DCAF12: variants seen among roughly 807,000 people sequenced by gnomAD.
DCAF12 encodes DDB1- and CUL4-associated factor 12.
A neutral mutation model predicts 52.8 loss-of-function variants in DCAF12; 28 were observed. That is an observed-to-expected ratio of 0.53 (90% confidence interval 0.39 to 0.73). The LOEUF is 0.73. Among genes scored for constraint, DCAF12 ranks in the 30% least tolerant of loss-of-function variants. The pLI is 0.00. For missense variants in DCAF12, 425 were observed against 552.2 expected (o/e 0.77, Z 2.31); for synonymous variants, 196 against 215.5 (o/e 0.91, Z 0.79).
intron 6 of DCAF12, 26 bp downstream of exon 6, chr9:34,096,690 A>C (rs1828740457): frequency 1.2e-6 from 2 of 1,605,640 alleles, no homozygotes; most frequent in Non-Finnish European, 1.7e-6. Flanking sequence ...TTATTAGGTA[A>C]AACCACAAAA....
intron 7 of DCAF12, 21 bp from the exon 8 acceptor site, chr9:34,089,611 A>G: frequency 6.3e-7 from 1 of 1,584,574 alleles, no homozygotes; most frequent in Non-Finnish European, 8.6e-7. Flanking sequence ...GAAAAGTAAA[A>G]GGCAGTGAGG....
At chr9:34,097,570 T>A (rs1828755088) in intron 5 of DCAF12, among the ~76,000 whole-genome samples, 1 of 152,034 alleles carries the variant, frequency 6.6e-6, no homozygotes, top group Admixed American at 6.6e-5. Flanking sequence ...CTCTGCTTTA[T>A]TAAAACCTCA....
chr9:34,124,898 T>C (rs764128056), intron 2 of DCAF12, 125 bp downstream of exon 2: 15 of 1,230,436 alleles, frequency 1.2e-5, no homozygotes, highest in Non-Finnish European at 1.7e-5. Context: ...CGGGAAAGAA[T>C]GGAAAGGAGA....
intron 7 of DCAF12, 126 bp from the exon 8 acceptor site, chr9:34,089,716 G>A: frequency 2.3e-6 from 2 of 863,468 alleles, no homozygotes; most frequent in Non-Finnish European, 3.4e-6. Context: ...GCCCCACAAA[G>A]TATCAGACAG....
rs574917519 is a variant in DCAF12, at chr9:34,086,641, A to C, written c.*1709T>G. On this transcript the variant is annotated 3_prime_UTR_variant, in exon 9 of 9. Coordinates refer to ENST00000361264, the MANE Select transcript of DCAF12 (RefSeq NM_015397.4). The stretch of plus-strand genomic sequence containing the variant: ...AAATTAAGACAATTAAAAGATCTAT[A>C]GCATCCAGCATTTTGCTTAATTCCC... 3.3e-5 allele frequency: 5 copies of C among 152,312 alleles called. No individual in the cohort carries two copies. The highest frequency in any genetic ancestry group is 6.5e-5 in the Admixed American group (1 of 15,284). The allele number at this position is 152,312 out of a possible 1,614,324, so 9.4% of individuals were successfully genotyped here. A position where few individuals can be genotyped will look rare whatever the true frequency, so the allele number is the denominator to read the frequency against.
intron 2 of DCAF12, among the ~76,000 whole-genome samples, chr9:34,119,986 A>G (rs1829146203): frequency 1.3e-5 from 2 of 151,820 alleles, no homozygotes; most frequent in Admixed American, 1.3e-4. Context: ...GATTACAGTC[A>G]TGAGCCACTA....
Position 34,107,538 on chromosome 9 carries a change from G to A in DCAF12, c.361C>T (p.Gln121Ter). 1 of 1,614,116 alleles carries A rather than the reference G, an allele frequency of 6.2e-7. No individual in the cohort carries two copies. The highest frequency in any genetic ancestry group is 1.1e-5 in the South Asian group (1 of 91,080). The change falls in exon 3 of 9, where the codon CAG becomes TAG. Residue 121 changes from glutamine to a stop codon, truncating the protein, a stop_gained. Transcript: ENST00000361264. LOFTEE classifies it high-confidence loss of function. The stretch of plus-strand genomic sequence containing the variant: ...TTCAGAATGGGGATCTTGGTGATCT[G>A]GCTTGTCTGGACATCTACGACAAAT... ...TLFVVDVQTS[Q>*]ITKIPILKDR...
intron 2 of DCAF12, among the ~76,000 whole-genome samples, chr9:34,111,518 T>A (rs978639792): frequency 7.9e-5 from 12 of 152,210 alleles, no homozygotes; most frequent in African/African-American, 2.9e-4. Context: ...AGAGAATTTA[T>A]CTTATTTGAT....
chr9:34,093,862 AC>A, intron 6 of DCAF12: 1 of 179,244 alleles, frequency 5.6e-6, no homozygotes, highest in Admixed American at 5.5e-5. Context: ...ATCTCTGGCT[AC>A]CCCCAGCTCA....
intron 6 of DCAF12, among the ~76,000 whole-genome samples, chr9:34,094,569 C>T (rs1312745044): frequency 1.4e-5 from 2 of 145,046 alleles, no homozygotes; most frequent in South Asian, 2.2e-4. Flanking sequence ...CTCGCACTGT[C>T]GCCCAGGCTG....
Position 34,086,644 on chromosome 9 carries a change from A to G in DCAF12, c.*1706T>C, listed in dbSNP as rs1203794003. On this transcript the variant is annotated 3_prime_UTR_variant, in exon 9 of 9. Transcript: ENST00000361264. ...TTAAGACAATTAAAAGATCTATAGC[A>G]TCCAGCATTTTGCTTAATTCCCTGT... is the stretch of plus-strand genomic sequence containing the variant. 1 of 152,178 alleles carries G rather than the reference A, an allele frequency of 6.6e-6. No individual in the cohort carries two copies. The highest frequency in any genetic ancestry group is 1.5e-5 in the Non-Finnish European group (1 of 68,032). The allele number at this position is 152,178 out of a possible 1,614,324, so 9.4% of individuals were successfully genotyped here. A position where few individuals can be genotyped will look rare whatever the true frequency, so the allele number is the denominator to read the frequency against.
intron 2 of DCAF12, among the ~76,000 whole-genome samples, chr9:34,115,078 C>T (rs11788468): frequency 0.69 from 104,633 of 151,964 alleles, 36,687 homozygotes; most frequent in Non-Finnish European, 0.75. Flanking sequence ...AGTAATTCTA[C>T]GCAGGTCACA....
intron 8 of DCAF12, among the ~76,000 whole-genome samples, chr9:34,089,110 C>CAAAAAAA (rs771038838): frequency 1.1e-5 from 1 of 92,476 alleles, no homozygotes; most frequent in Non-Finnish European, 2.2e-5. Context: ...GACCCTGTCT[C>CAAAAAAA]AAAAAAAAAA....
intron 4 of DCAF12, among the ~76,000 whole-genome samples, chr9:34,102,824 G>A (rs979087766): frequency 6.8e-6 from 1 of 146,628 alleles, no homozygotes; most frequent in South Asian, 2.2e-4. Flanking sequence ...GACTGTAATC[G>A]CAACACTTTG....
At chr9:34,102,473 C>T (rs1198346169) in intron 4 of DCAF12, among the ~76,000 whole-genome samples, 1 of 151,494 alleles carries the variant, frequency 6.6e-6, no homozygotes, top group East Asian at 2.0e-4. Flanking sequence ...CCGACCTGAC[C>T]AACATGGTGA....
chr9:34,087,259 C>T lies in DCAF12; in HGVS notation c.*1091G>A, dbSNP rs1325399169. On this transcript the variant is annotated 3_prime_UTR_variant, in exon 9 of 9. Coordinates refer to ENST00000361264, the MANE Select transcript of DCAF12 (RefSeq NM_015397.4). Reference sequence around the variant, plus strand: ...GCACTCACTACACACAGATAAACCCCCTGCTCACCCCCACCTTCTTAGACT... The same window carrying T: ...GCACTCACTACACACAGATAAACCCTCTGCTCACCCCCACCTTCTTAGACT... 3.3e-5 allele frequency: 5 copies of T among 152,348 alleles called. No individual in the cohort carries two copies. Among genetic ancestry groups the T allele is most frequent in the Admixed American group, 3.3e-4 (5 of 15,264 alleles). The allele number at this position is 152,348 out of a possible 1,614,324, so 9.4% of individuals were successfully genotyped here. A position where few individuals can be genotyped will look rare whatever the true frequency, so the allele number is the denominator to read the frequency against.
rs1828774880 is a variant in DCAF12 at position 34,098,478 on chromosome 9, T to C, written c.641A>G (p.Asp214Gly). 1.2e-6 allele frequency: 2 copies of C among 1,613,976 alleles called. No individual in the cohort carries two copies. Among genetic ancestry groups the C allele is most frequent in the Non-Finnish European group, 1.7e-6 (2 of 1,180,036 alleles). ...DGSMGLWEVT[D>G]DVLTKSDARH... ...CGCATCACTTTTGGTCAAAACATCA[T>C]CTGTCACCTCCCAGAGTCCCATAGA... The change falls in exon 5 of 9, where the codon GAT (aspartate) becomes GGT (glycine). Residue 214 changes from aspartate (D) to glycine (G), a missense_variant. Asp to Gly is a moderately conservative substitution (Grantham distance 94, BLOSUM62 -1). Coordinates refer to ENST00000361264, the MANE Select transcript of DCAF12 (RefSeq NM_015397.4).
In DCAF12 at chr9:34,107,563, T is replaced by C. The variant is rs772076053; in HGVS notation, c.336A>G (p.Leu112=). ...GGCTTGTCTGGACATCTACGACAAA[T>C]AGCTACAAGAAAAAATGGATACAGA... ...QVVCGTKCNT[L]FVVDVQTSQI... is the part of the protein sequence containing the mutation. Residue 112 remains leucine (L), a splice_region_variant and synonymous_variant, in exon 3 of 9, where the codon CTA becomes CTG. Transcript: ENST00000361264. 3.7e-6 allele frequency: 6 copies of C among 1,613,874 alleles called. No individual in the cohort carries two copies. In the African/African-American group the frequency reaches 4.0e-5, roughly 11 times the overall value.
intron 2 of DCAF12, among the ~76,000 whole-genome samples, chr9:34,115,303 G>A (rs1265842803): frequency 1.3e-5 from 2 of 151,858 alleles, no homozygotes; most frequent in African/African-American, 4.8e-5. Context: ...TTAAAAATAT[G>A]TATAGCGGCT....
Sources: allele counts gnomAD v4.1 joint callset (sites outside exome capture counted in the v4.1 genomes callset), GRCh38; gene constraint gnomAD v4.1.1; transcripts MANE v1.5; gene names NCBI Gene and HGNC (gene_info 2026-07-23, HGNC 2026-07-21).